MYO18B: variants seen among roughly 807,000 people sequenced by gnomAD.
MYO18B encodes unconventional myosin-XVIIIb.
In MYO18B, 204 loss-of-function variants were observed where a neutral mutation model predicts 273.0. That is an observed-to-expected ratio of 0.75 (90% CI 0.67 to 0.84). The LOEUF (loss-of-function observed/expected upper bound fraction) is 0.84. MYO18B is among the 40% of genes least tolerant of loss of function. The pLI is 0.00. For missense variants in MYO18B, 3,212 were observed against 3,287.6 expected, an observed-to-expected ratio of 0.98 and a Z score of 0.56; for synonymous variants, 1,330 against 1,305.7, an observed-to-expected ratio of 1.02 and a Z score of -0.40.
At chr22:26,061,089 G>C in the MYO18B span, among the ~76,000 whole-genome samples, 1 of 141,110 alleles carries the variant, frequency 7.1e-6, no homozygotes, top group African/African-American at 3.0e-5. Context: ...CTGTTGGCTT[G>C]GCCCCCTGTA....
At chr22:26,051,661 T>C in the MYO18B span, among the ~76,000 whole-genome samples, 1 of 152,240 alleles carries the variant, frequency 6.6e-6, no homozygotes, top group East Asian at 1.9e-4. Context: ...AATGTTTCCT[T>C]CGTACTTCTA....
At chr22:25,810,098 CTTT>C (rs566532119) in intron 12 of MYO18B, among the ~76,000 whole-genome samples, 5 of 132,420 alleles carry the variant, frequency 3.8e-5, no homozygotes, top group Non-Finnish European at 3.2e-5. Flanking sequence ...TTCCTTCAGG[CTTT>C]TTTTTTTTTT....
At chr22:25,954,244 C>G (rs1479092647) in intron 38 of MYO18B, among the ~76,000 whole-genome samples, 2 of 152,080 alleles carry the variant, frequency 1.3e-5, no homozygotes, top group Non-Finnish European at 1.5e-5. Context: ...ATTGTGTCCT[C>G]AAGGATTCCC....
intron 40 of MYO18B, among the ~76,000 whole-genome samples, chr22:26,002,468 A>G (rs745817113): frequency 7.2e-5 from 11 of 152,150 alleles, no homozygotes; most frequent in Non-Finnish European, 1.0e-4. Flanking sequence ...TGAGGGTGGG[A>G]GCCAAGGAGC....
chr22:25,976,477 T>G (rs920273999), intron 39 of MYO18B, among the ~76,000 whole-genome samples: 1 of 152,220 alleles, frequency 6.6e-6, no homozygotes, highest in Admixed American at 6.5e-5. Context: ...TGTTTACAAC[T>G]CTGTTAATAT....
At chr22:25,895,004 C>T (rs754912874) in intron 27 of MYO18B, 152 bp from the exon 28 acceptor site, 19 of 881,370 alleles carry the variant, frequency 2.2e-5, no homozygotes, top group Non-Finnish European at 3.2e-5. Flanking sequence ...AGAGTTAAAG[C>T]ATAGTTTCTT....
At chr22:25,936,580 C>T (rs568272743) in intron 34 of MYO18B, among the ~76,000 whole-genome samples, 1 of 152,256 alleles carries the variant, frequency 6.6e-6, no homozygotes, top group African/African-American at 2.4e-5. Flanking sequence ...CAGCTACTTC[C>T]TAGAAATGTT....
At chr22:25,921,840 G>GTA (rs200823387) in intron 34 of MYO18B, among the ~76,000 whole-genome samples, 2,859 of 151,054 alleles carry the variant, frequency 0.019, 89 homozygotes, top group African/African-American at 0.068. Context: ...GTGTGTGTGT[G>GTA]TGTGTGTGTG....
intron 17 of MYO18B, among the ~76,000 whole-genome samples, chr22:25,839,166 A>C (rs1480860938): frequency 1.3e-5 from 2 of 150,834 alleles, no homozygotes; most frequent in Admixed American, 1.3e-4. Context: ...ATGTGTGTGC[A>C]TGTGTGTATA....
Position 25,780,203 on chromosome 22 carries a change from G to C in MYO18B, c.2211+5G>C, listed in dbSNP as rs757883534. On this transcript the variant is annotated splice_donor_5th_base_variant and intron_variant, in intron 9 of 43. Transcript: ENST00000335473. ...ATCACAGCTGCTCAGCTCCAGGTGAGGCCTCTCGGGGGATGTGCAAGGGGG... is the reference window on the plus strand; with the variant it reads ...ATCACAGCTGCTCAGCTCCAGGTGACGCCTCTCGGGGGATGTGCAAGGGGG... 1.3e-6 allele frequency: 2 copies of C among 1,599,722 alleles called. No homozygotes were observed. Among genetic ancestry groups the C allele is most frequent in the African/African-American group, 1.3e-5 (1 of 74,896 alleles).
At chr22:26,006,823 T>G (rs557502675) in intron 42 of MYO18B, among the ~76,000 whole-genome samples, 2 of 152,112 alleles carry the variant, frequency 1.3e-5, no homozygotes, top group East Asian at 1.9e-4. Flanking sequence ...CCACAAAAAA[T>G]TAGCCATTTT....
At chr22:26,048,491 C>T in the MYO18B span, among the ~76,000 whole-genome samples, 2 of 152,098 alleles carry the variant, frequency 1.3e-5, 1 homozygote, top group South Asian at 4.1e-4. Context: ...GAGCATGACT[C>T]CTGTGACCTG....
At chr22:25,937,413 TG>T (rs1601622003) in intron 34 of MYO18B, among the ~76,000 whole-genome samples, 1 of 152,004 alleles carries the variant, frequency 6.6e-6, no homozygotes, top group Non-Finnish European at 1.5e-5. Flanking sequence ...TGATAAGTGA[TG>T]GTCTGGAGCA....
chr22:25,800,785 T>C (rs2088159322), intron 12 of MYO18B, among the ~76,000 whole-genome samples: 1 of 152,056 alleles, frequency 6.6e-6, no homozygotes, highest in Non-Finnish European at 1.5e-5. Context: ...TGGGGCAGAG[T>C]GGGGGGGCCC....
chr22:25,809,367 A>G (rs2145819921), intron 12 of MYO18B, among the ~76,000 whole-genome samples: 1 of 152,288 alleles, frequency 6.6e-6, no homozygotes, highest in South Asian at 2.1e-4. Flanking sequence ...AATGACAGTA[A>G]TGTTCGGAAC....
At chr22:25,802,594 A>G (rs1018808642) in intron 12 of MYO18B, among the ~76,000 whole-genome samples, 8 of 151,814 alleles carry the variant, frequency 5.3e-5, no homozygotes, top group African/African-American at 1.5e-4. Flanking sequence ...CTAAAAAAAA[A>G]TACAAAAAAT....
chr22:25,833,215 G>A (rs1171765288), intron 16 of MYO18B, among the ~76,000 whole-genome samples: 1 of 152,196 alleles, frequency 6.6e-6, no homozygotes, highest in South Asian at 2.1e-4. Flanking sequence ...GCATCATCAG[G>A]TTGAGAACTG....
intron 6 of MYO18B, among the ~76,000 whole-genome samples, chr22:25,771,563 C>T (rs566061289): frequency 5.9e-5 from 9 of 152,304 alleles, no homozygotes; most frequent in Admixed American, 5.9e-4. Flanking sequence ...TCCCCCCGCC[C>T]CTCACAGCCT....
Position 25,955,221 on chromosome 22 carries a change from G to T in MYO18B, c.6013G>T (p.Glu2005Ter). 1 of 1,613,232 alleles carries T rather than the reference G, an allele frequency of 6.2e-7. No individual in the cohort carries two copies. The highest frequency in any genetic ancestry group is 8.5e-7 in the Non-Finnish European group (1 of 1,179,670). ...RLRDSLIKMG[E>*]ELSQAATSES... is the part of the protein sequence containing the mutation. Reference sequence around the variant, plus strand: ...TCGGGACAGCCTGATCAAGATGGGGGAGGAGCTTTCACAGGCGGCCACCTC... The same window carrying T: ...TCGGGACAGCCTGATCAAGATGGGGTAGGAGCTTTCACAGGCGGCCACCTC... The change falls in exon 39 of 44, where the codon GAG (glutamate) becomes TAG (stop). Residue 2005 changes from glutamate to a stop codon, truncating the protein, a stop_gained. Coordinates refer to ENST00000335473, the MANE Select transcript of MYO18B (RefSeq NM_032608.7). LOFTEE classifies it high-confidence loss of function.
Sources: allele counts gnomAD v4.1 joint callset (sites outside exome capture counted in the v4.1 genomes callset), GRCh38; gene constraint gnomAD v4.1.1; transcripts MANE v1.5; gene names NCBI Gene and HGNC (gene_info 2026-07-23, HGNC 2026-07-21).